The following AOX1 variants were observed in gnomAD, a reference collection of about 807,000 sequenced individuals.
AOX1 encodes the protein aldehyde oxidase 1.
A neutral mutation model predicts 169.5 loss-of-function variants in AOX1; 153 were observed. The ratio of observed to expected loss-of-function variants is 0.90; its 90% confidence interval spans 0.79 to 1.03. AOX1 has a LOEUF of 1.03. Ranked by LOEUF, AOX1 falls within the 50% of genes least tolerant of loss-of-function variation. The probability of loss-of-function intolerance (pLI) is 0.00; values close to 1 mark genes in which losing one functional copy is unlikely to be tolerated. For missense variants in AOX1, 1,656 were observed against 1,663.9 expected (o/e 1.00, Z 0.08); for synonymous variants, 562 against 581.9 (o/e 0.97, Z 0.49).
intron 16 of AOX1, among the ~76,000 whole-genome samples, chr2:200,618,835 A>G (rs930735656): frequency 6.6e-6 from 1 of 152,198 alleles, no homozygotes; most frequent in African/African-American, 2.4e-5. Context: ...ATTAAATCCA[A>G]ATGTTCAGAA....
the AOX1 span, among the ~76,000 whole-genome samples, chr2:200,682,192 T>A: frequency 6.6e-6 from 1 of 152,214 alleles, no homozygotes; most frequent in African/African-American, 2.4e-5. Flanking sequence ...ACAAATCTGA[T>A]AAACACTGCC....
At chr2:200,591,933 C>T (rs1044113522) in intron 1 of AOX1, among the ~76,000 whole-genome samples, 2 of 151,644 alleles carry the variant, frequency 1.3e-5, no homozygotes, top group African/African-American at 4.9e-5. Flanking sequence ...ATTGGAAGCC[C>T]AAGTGGAAGA....
chr2:200,646,417 G>C (rs2035454077), intron 25 of AOX1, among the ~76,000 whole-genome samples: 2 of 152,166 alleles, frequency 1.3e-5, no homozygotes, highest in African/African-American at 2.4e-5. Context: ...ACTGTGGTCT[G>C]AGAGAGTGCT....
At position 200,604,895 on chromosome 2, in the gene AOX1, T is replaced by TGGGGTG; in HGVS notation, c.814+59_814+60insTGGGGG. 8.4e-6 allele frequency: 6 copies of TGGGGTG among 715,230 alleles called. No homozygotes were observed. The East Asian group carries it at 1.3e-4, about 15-fold the overall frequency. The allele number at this position is 715,230 out of a possible 1,614,324, so 44.3% of individuals were successfully genotyped here. A position where few individuals can be genotyped will look rare whatever the true frequency, so the allele number is the denominator to read the frequency against. On this transcript the variant is annotated intron_variant, in intron 9 of 34. Coordinates refer to ENST00000374700, the MANE Select transcript of AOX1 (RefSeq NM_001159.4). ...GGAAATTGAGAAAAAGGGCTTGGGA[T>TGGGGTG]GGGGCCGGGGTGGGCTGGGGAAACT...
Position 200,636,904 on chromosome 2 carries a change from T to A in AOX1, c.2347-7T>A, listed in dbSNP as rs2035244558. On this transcript the variant is annotated splice_region_variant and splice_polypyrimidine_tract_variant and intron_variant, in intron 21 of 34. Transcript: ENST00000374700. ...ATCAGATTAATCAGAACTATTATTGTTCACAGGACATTGTTGCCTCAACCT... is the reference window on the plus strand; with the variant it reads ...ATCAGATTAATCAGAACTATTATTGATCACAGGACATTGTTGCCTCAACCT... 6.2e-7 allele frequency: 1 copy of A among 1,613,366 alleles called. No individual in the cohort carries two copies. The highest frequency in any genetic ancestry group is 1.7e-5 in the Admixed American group (1 of 59,838).
At chr2:200,671,815 T>C (rs2036032548), downstream of AOX1, among the ~76,000 whole-genome samples, 1 of 152,224 alleles carries the variant, frequency 6.6e-6, no homozygotes, top group Non-Finnish European at 1.5e-5. Flanking sequence ...ATCTTAGGTA[T>C]ATACCCAAGA....
intron 31 of AOX1, among the ~76,000 whole-genome samples, chr2:200,664,607 G>GATGTGTC (rs2035893366): frequency 1.3e-5 from 2 of 152,206 alleles, no homozygotes; most frequent in African/African-American, 2.4e-5. Flanking sequence ...GATCTTAGGG[G>GATGTGTC]ATGTGTCATA....
chr2:200,609,925 C>G (rs1197368649), intron 12 of AOX1, among the ~76,000 whole-genome samples: 2 of 152,170 alleles, frequency 1.3e-5, no homozygotes, highest in Non-Finnish European at 2.9e-5. Flanking sequence ...TAATTTATCG[C>G]TTCTTCCAAC....
chr2:200,603,557 T>A (rs1318914044), intron 7 of AOX1, among the ~76,000 whole-genome samples: 2 of 152,196 alleles, frequency 1.3e-5, no homozygotes, highest in Non-Finnish European at 2.9e-5. Context: ...TTATTCCCAT[T>A]TAAATACAGT....
chr2:200,587,753 A>G (rs564716328), intron 1 of AOX1, among the ~76,000 whole-genome samples: 2 of 152,294 alleles, frequency 1.3e-5, no homozygotes, highest in East Asian at 1.9e-4. Context: ...GCATAATAGA[A>G]TGGTATAGTA....
intron 9 of AOX1, 61 bp downstream of exon 9, chr2:200,604,901 C>T (rs1446493712): frequency 6.5e-6 from 4 of 613,226 alleles, no homozygotes; most frequent in South Asian, 1.5e-5. Context: ...GGGATGGGGC[C>T]GGGGTGGGCT....
chr2:200,615,872 G>C (rs893403282), intron 15 of AOX1, 99 bp from the exon 16 acceptor site: 2 of 833,460 alleles, frequency 2.4e-6, no homozygotes, highest in African/African-American at 1.7e-5. Flanking sequence ...TGAGACTTCA[G>C]AGTAGAGATG....
rs2540066 is a variant in AOX1, at chr2:200,670,352, G to A, written c.3967-277G>A. The stretch of plus-strand genomic sequence containing the variant: ...ACTGGCTCTTTGTGGTATCCTTCAT[G>A]GTTTTCCCTAAGCCCCTGACACGTT... On this transcript the variant is annotated intron_variant, in intron 34 of 34. Transcript: ENST00000374700. 0.43 allele frequency among the ~76,000 whole-genome samples: 65,652 copies of A among 151,920 alleles called. 14,450 individuals carry two copies. Among genetic ancestry groups the A allele is most frequent in the Middle Eastern group, 0.5 (147 of 294 alleles).
chr2:200,606,657 T>TTA (rs1431845751), intron 10 of AOX1, among the ~76,000 whole-genome samples: 8 of 152,340 alleles, frequency 5.3e-5, no homozygotes, highest in African/African-American at 1.9e-4. Context: ...TCTTATTTCC[T>TTA]TAAGCAGTGG....
In AOX1 at chr2:200,662,980, G is replaced by T. The variant is rs754118951; in HGVS notation, c.3543+11G>T. 1.2e-5 allele frequency: 19 copies of T among 1,609,150 alleles called. 1 individual carries two copies. In the African/African-American group the frequency reaches 2.4e-4, roughly 20 times the overall value. Reference sequence around the variant, plus strand: ...ACGGGGGATCATAAGGTCAGTACCGGTTGGAAAGGTCTTCAAGTTGCACTT... The same window carrying T: ...ACGGGGGATCATAAGGTCAGTACCGTTTGGAAAGGTCTTCAAGTTGCACTT... On this transcript the variant is annotated intron_variant, in intron 31 of 34. Coordinates refer to ENST00000374700, the MANE Select transcript of AOX1 (RefSeq NM_001159.4).
At chr2:200,595,501 C>A (rs1401872925) in intron 3 of AOX1, 133 bp downstream of exon 3, 4 of 536,574 alleles carry the variant, frequency 7.5e-6, no homozygotes, top group Non-Finnish European at 1.3e-5. Flanking sequence ...CAATGATGAA[C>A]AAGACAGACA....
chr2:200,645,430 T>C (rs1374999579), intron 25 of AOX1, among the ~76,000 whole-genome samples: 1 of 152,218 alleles, frequency 6.6e-6, no homozygotes, highest in East Asian at 1.9e-4. Flanking sequence ...CTCTTGATAA[T>C]GGTGGATTAT....
intron 25 of AOX1, 89 bp from the exon 26 acceptor site, chr2:200,650,885 G>A: frequency 8.2e-7 from 1 of 1,215,776 alleles, no homozygotes; most frequent in East Asian, 2.5e-5. Context: ...CTTACAGGAT[G>A]GGCAGAATTT....
At chr2:200,634,112 A>G (rs551847282) in intron 20 of AOX1, among the ~76,000 whole-genome samples, 1 of 141,218 alleles carries the variant, frequency 7.1e-6, no homozygotes, top group South Asian at 2.2e-4. Flanking sequence ...TTGTCTTTCT[A>G]GTCTTCCACT....
Sources: gnomAD v4.1 joint callset for allele counts (sites outside exome capture counted in the v4.1 genomes callset) on GRCh38, gnomAD v4.1.1 for gene constraint, MANE v1.5 for transcripts, NCBI Gene and HGNC (gene_info 2026-07-23, HGNC 2026-07-21) for gene names.